The following CPA6 variants were observed in gnomAD, a reference collection of about 807,000 sequenced individuals.
CPA6 encodes carboxypeptidase B.
CPA6 carries 58 observed loss-of-function variants against 63.3 expected under a neutral mutation model. That is an observed-to-expected ratio of 0.92 (90% CI 0.74 to 1.14). The LOEUF is 1.14. Ranked by LOEUF, CPA6 falls within the 50% of genes most tolerant of loss-of-function variation. The pLI is 0.00. For missense variants in CPA6, 565 were observed against 526.6 expected (o/e 1.07, Z -0.71); for synonymous variants, 185 against 179.0 (o/e 1.03, Z -0.27).
At chr8:67,642,790 ATC>A (rs1491314469) in intron 1 of CPA6, among the ~76,000 whole-genome samples, 4 of 83,514 alleles carry the variant, frequency 4.8e-5, no homozygotes, top group East Asian at 2.7e-4. Flanking sequence ...TTGGGCCTTT[ATC>A]TCACACACAC....
At chr8:67,538,929 G>A (rs533305862) in intron 2 of CPA6, among the ~76,000 whole-genome samples, 12 of 152,118 alleles carry the variant, frequency 7.9e-5, no homozygotes, top group Non-Finnish European at 1.6e-4. Flanking sequence ...CAAGTGCTGG[G>A]ATTACAGGCA....
At chr8:67,600,046 A>G (rs1814452837) in intron 2 of CPA6, among the ~76,000 whole-genome samples, 1 of 151,562 alleles carries the variant, frequency 6.6e-6, no homozygotes, top group African/African-American at 2.4e-5. Context: ...GCACAAGGCA[A>G]TACTTTTAAG....
At chr8:67,680,207 G>T (rs1308581833) in intron 1 of CPA6, among the ~76,000 whole-genome samples, 3 of 152,180 alleles carry the variant, frequency 2.0e-5, no homozygotes, top group Non-Finnish European at 4.4e-5. Flanking sequence ...TGAAGTAACT[G>T]TATAAGCTTT....
intron 1 of CPA6, among the ~76,000 whole-genome samples, chr8:67,696,664 T>C (rs1816918002): frequency 6.6e-6 from 1 of 152,192 alleles, no homozygotes; most frequent in Admixed American, 6.5e-5. Context: ...ATCCATACAA[T>C]GGAATACCAC....
intron 1 of CPA6, among the ~76,000 whole-genome samples, chr8:67,723,207 T>C (rs887229580): frequency 6.6e-6 from 1 of 152,188 alleles, no homozygotes; most frequent in Non-Finnish European, 1.5e-5. Context: ...TTTAGAAAAA[T>C]CAACACATAC....
At chr8:67,530,763 C>A (rs1451586052) in intron 2 of CPA6, among the ~76,000 whole-genome samples, 1 of 152,158 alleles carries the variant, frequency 6.6e-6, no homozygotes, top group Non-Finnish European at 1.5e-5. Flanking sequence ...TAGCATAAAA[C>A]TAGAACCTTC....
At chr8:67,714,271 C>G (rs1478849527) in intron 1 of CPA6, among the ~76,000 whole-genome samples, 1 of 152,074 alleles carries the variant, frequency 6.6e-6, no homozygotes, top group Non-Finnish European at 1.5e-5. Context: ...TACTCAAAAT[C>G]AGAGTGGAAA....
chr8:67,714,026 A>G (rs746443309), intron 1 of CPA6, among the ~76,000 whole-genome samples: 2 of 150,938 alleles, frequency 1.3e-5, no homozygotes, highest in African/African-American at 2.4e-5. Context: ...CCATGTTAAA[A>G]TTTTTTTTTT....
chr8:67,457,200 C>T lies in CPA6; in HGVS notation c.839-22960G>A, dbSNP rs950834890. 7.9e-5 allele frequency among the ~76,000 whole-genome samples: 12 copies of T among 152,192 alleles called. 1 individual carries two copies. The South Asian group carries it at 1.4e-3, about 18-fold the overall frequency. ...TACCCCTACACAGCATTTAGCACAG[C>T]GTAACATTTTTACTAAGCTGTCAAT... On this transcript the variant is annotated intron_variant, in intron 8 of 10. Coordinates refer to ENST00000297770, the MANE Select transcript of CPA6 (RefSeq NM_020361.5).
At chr8:67,591,323 G>A (rs899328829) in intron 2 of CPA6, among the ~76,000 whole-genome samples, 1 of 151,836 alleles carries the variant, frequency 6.6e-6, no homozygotes, top group African/African-American at 2.4e-5. Flanking sequence ...GTAGTGTGAT[G>A]CCTCCAGCTT....
chr8:67,700,093 T>G (rs1816993252), intron 1 of CPA6, among the ~76,000 whole-genome samples: 1 of 152,184 alleles, frequency 6.6e-6, no homozygotes. Context: ...TAAAACTGAG[T>G]TTTTTTAAAC....
At chr8:67,423,058 T>A (rs1051979070) in intron 10 of CPA6, among the ~76,000 whole-genome samples, 1 of 152,202 alleles carries the variant, frequency 6.6e-6, no homozygotes, top group East Asian at 1.9e-4. Context: ...CACTTCAGTG[T>A]CTAGAATATT....
At chr8:67,449,190 T>G (rs1397416866) in intron 8 of CPA6, among the ~76,000 whole-genome samples, 1 of 152,114 alleles carries the variant, frequency 6.6e-6, no homozygotes, top group Non-Finnish European at 1.5e-5. Flanking sequence ...AGGCAGAGGT[T>G]GCAATGAGCC....
At chr8:67,423,968 C>T (rs1009191001) in intron 10 of CPA6, among the ~76,000 whole-genome samples, 1 of 152,158 alleles carries the variant, frequency 6.6e-6, no homozygotes, top group Non-Finnish European at 1.5e-5. Flanking sequence ...TACAGTCACT[C>T]GCTATCGCTT....
chr8:67,443,991 G>GTTTTT (rs773274256), intron 8 of CPA6, among the ~76,000 whole-genome samples: 1 of 142,028 alleles, frequency 7.0e-6, no homozygotes, highest in Admixed American at 7.0e-5. Context: ...GACATCCGTA[G>GTTTTT]TTTTTTTTTT....
intron 2 of CPA6, among the ~76,000 whole-genome samples, chr8:67,607,051 C>T (rs1814655586): frequency 6.6e-6 from 1 of 151,880 alleles, no homozygotes; most frequent in Non-Finnish European, 1.5e-5. Flanking sequence ...AAGTTCTTTC[C>T]TAGATGTAAC....
At chr8:67,713,388 C>T (rs1425527335) in intron 1 of CPA6, among the ~76,000 whole-genome samples, 1 of 151,796 alleles carries the variant, frequency 6.6e-6, no homozygotes, top group East Asian at 1.9e-4. Context: ...AGGATGAAGC[C>T]TAAATAGAGA....
At position 67,667,509 on chromosome 8, in the gene CPA6, G is replaced by GA. The variant is rs200291315; in HGVS notation, c.117-43259dup. Among the ~76,000 whole-genome samples, 27 of 149,286 alleles carry GA rather than the reference G, an allele frequency of 1.8e-4. No individual in the cohort carries two copies. In the East Asian group the frequency reaches 2.1e-3, roughly 12 times the overall value. ...TTCAACTTCCCCGCTAAAAGTTAGA[G>GA]AAAAAAAAAATTAAAGCTGTTAATT... is the stretch of plus-strand genomic sequence containing the variant. On this transcript the variant is annotated intron_variant, in intron 1 of 10. Transcript: ENST00000297770.
chr8:67,651,439 A>G (rs1226106712), intron 1 of CPA6, among the ~76,000 whole-genome samples: 1 of 151,970 alleles, frequency 6.6e-6, no homozygotes, highest in African/African-American at 2.4e-5. Context: ...ACCACACGCC[A>G]TTTCCTTTTA....
Sources: gnomAD v4.1 joint callset for allele counts (sites outside exome capture counted in the v4.1 genomes callset) on GRCh38, gnomAD v4.1.1 for gene constraint, MANE v1.5 for transcripts, NCBI Gene and HGNC (gene_info 2026-07-23, HGNC 2026-07-21) for gene names.